Variants in KCNIP4 observed in about 807,000 individuals in gnomAD.
KCNIP4 encodes potassium voltage-gated channel interacting protein 4.
A neutral mutation model predicts 34.0 loss-of-function variants in KCNIP4; 12 were observed. That is an observed-to-expected ratio of 0.35 (90% confidence interval 0.23 to 0.57). The LOEUF (loss-of-function observed/expected upper bound fraction) is 0.57. KCNIP4 is among the 20% of genes least tolerant of loss of function. The probability of loss-of-function intolerance (pLI) is 0.83; values close to 1 mark genes in which losing one functional copy is unlikely to be tolerated. For missense variants in KCNIP4, 238 were observed against 311.7 expected (o/e 0.76, Z 1.78); for synonymous variants, 124 against 102.2 (o/e 1.21, Z -1.29).
Position 21,858,052 on chromosome 4 carries a change from G to A in KCNIP4, c.61+90519C>T, listed in dbSNP as rs575024276. On this transcript the variant is annotated intron_variant, in intron 1 of 8. Transcript: ENST00000382152. ...GGTGCCTGGAGCTGCCCACCCCACC[G>A]CAGCCAGCATGCTTGGCTGCGCACA... 1.1e-4 allele frequency among the ~76,000 whole-genome samples: 16 copies of A among 152,302 alleles called. No homozygotes were observed. The South Asian group carries it at 1.9e-3, about 18-fold the overall frequency.
At chr4:21,097,035 T>C (rs10433822) in intron 1 of KCNIP4, among the ~76,000 whole-genome samples, 24,263 of 152,058 alleles carry the variant, frequency 0.16, 2,047 homozygotes, top group East Asian at 0.23. Flanking sequence ...AATAGCACAT[T>C]TTAAAATTTA....
chr4:21,593,700 T>C (rs928330387), intron 1 of KCNIP4, among the ~76,000 whole-genome samples: 1 of 152,166 alleles, frequency 6.6e-6, no homozygotes, highest in African/African-American at 2.4e-5. Context: ...AGAGGACATT[T>C]TCTTGACACA....
chr4:21,740,415 A>AT, intron 1 of KCNIP4, among the ~76,000 whole-genome samples: 1 of 150,738 alleles, frequency 6.6e-6, no homozygotes, highest in South Asian at 2.1e-4. Context: ...TCCTCCCTCC[A>AT]TTTTTCTATC....
chr4:20,843,719 G>A (rs1375903765), intron 3 of KCNIP4, among the ~76,000 whole-genome samples: 1 of 152,190 alleles, frequency 6.6e-6, no homozygotes, highest in Non-Finnish European at 1.5e-5. Context: ...GACAGAGCGA[G>A]ACTCCGTCTC....
rs185495928 is a variant in KCNIP4 at position 21,409,390 on chromosome 4, C to T, written c.62-526681G>A. On this transcript the variant is annotated intron_variant, in intron 1 of 8. Coordinates refer to ENST00000382152, the MANE Select transcript of KCNIP4 (RefSeq NM_025221.6). ...AAGGCACTGGAATTACAAGCATGCACCCAGCCTCAAGTATTATTTTGAATA... is the reference window on the plus strand; with the variant it reads ...AAGGCACTGGAATTACAAGCATGCATCCAGCCTCAAGTATTATTTTGAATA... Among the ~76,000 whole-genome samples, 172 of 152,208 alleles carry T rather than the reference C, an allele frequency of 1.1e-3. 1 individual carries two copies. Among genetic ancestry groups the T allele is most frequent in the Non-Finnish European group, 2.2e-3 (148 of 68,026 alleles).
At chr4:21,142,046 G>A (rs1751997445) in intron 1 of KCNIP4, among the ~76,000 whole-genome samples, 2 of 151,366 alleles carry the variant, frequency 1.3e-5, no homozygotes, top group African/African-American at 4.9e-5. Flanking sequence ...AGCTACTCGG[G>A]AGGCTGAGGC....
At chr4:21,668,530 G>T (rs1226187675) in intron 1 of KCNIP4, among the ~76,000 whole-genome samples, 1 of 152,038 alleles carries the variant, frequency 6.6e-6, no homozygotes, top group Admixed American at 6.6e-5. Context: ...GAATTGACAT[G>T]TATCAAGATT....
chr4:21,562,275 A>G (rs1382011252), intron 1 of KCNIP4, among the ~76,000 whole-genome samples: 2 of 152,008 alleles, frequency 1.3e-5, no homozygotes, highest in Non-Finnish European at 2.9e-5. Flanking sequence ...AATACTTATT[A>G]AAACATATAA....
chr4:21,244,500 T>C (rs973510963), intron 1 of KCNIP4, among the ~76,000 whole-genome samples: 4 of 152,304 alleles, frequency 2.6e-5, no homozygotes, highest in Non-Finnish European at 1.5e-5. Context: ...AGACATAATT[T>C]TGGAAAAAGC....
At chr4:21,305,347 T>C (rs1439763087) in intron 1 of KCNIP4, among the ~76,000 whole-genome samples, 9 of 152,188 alleles carry the variant, frequency 5.9e-5, no homozygotes, top group Non-Finnish European at 4.4e-5. Flanking sequence ...AACATCTCAG[T>C]GTCTTAATGT....
intron 1 of KCNIP4, among the ~76,000 whole-genome samples, chr4:21,276,076 G>T (rs1300653514): frequency 1.3e-5 from 2 of 152,224 alleles, no homozygotes; most frequent in Non-Finnish European, 2.9e-5. Flanking sequence ...GGACAAACTT[G>T]ATATAGAACT....
intron 1 of KCNIP4, among the ~76,000 whole-genome samples, chr4:21,457,755 A>G (rs908279570): frequency 5.3e-5 from 8 of 152,062 alleles, no homozygotes; most frequent in Non-Finnish European, 1.0e-4. Context: ...TCAAAAAGCA[A>G]ATGCCAACCA....
In KCNIP4 at chr4:20,922,643, C is replaced by A. The variant is rs1331435596; in HGVS notation, c.62-39934G>T. Among the ~76,000 whole-genome samples, 10 of 152,084 alleles carry A rather than the reference C, an allele frequency of 6.6e-5. No homozygotes were observed. The East Asian group carries it at 1.9e-3, about 29-fold the overall frequency. The stretch of plus-strand genomic sequence containing the variant: ...ACTAATACAGTAAATAAATTTACTT[C>A]ATGTCTCTGAACTTCAGTTTCTTTA... On this transcript the variant is annotated intron_variant, in intron 1 of 8. Coordinates refer to ENST00000382152, the MANE Select transcript of KCNIP4 (RefSeq NM_025221.6).
chr4:21,169,660 TTGTG>T (rs58544791), intron 1 of KCNIP4, among the ~76,000 whole-genome samples: 2,041 of 136,202 alleles, frequency 0.015, 43 homozygotes, highest in African/African-American at 0.047. Context: ...TACTTTATAT[TTGTG>T]TGTGTGTGTG....
At chr4:20,831,950 G>A (rs954550635) in intron 3 of KCNIP4, among the ~76,000 whole-genome samples, 5 of 152,044 alleles carry the variant, frequency 3.3e-5, no homozygotes, top group African/African-American at 1.2e-4. Flanking sequence ...GCCAACATAC[G>A]GGAACTCAGG....
rs534303051 is a variant in KCNIP4 at position 20,951,276 on chromosome 4, T to A, written c.62-68567A>T. On this transcript the variant is annotated intron_variant, in intron 1 of 8. Transcript: ENST00000382152. ...TGGTCTGACTTGCAGGCTCCAGAAC[T>A]GTGAAAAATAAGTTGTTTAAGCCAC... Among the ~76,000 whole-genome samples, 4 of 152,268 alleles carry A rather than the reference T, an allele frequency of 2.6e-5. No homozygotes were observed. The South Asian group carries it at 6.2e-4, about 24-fold the overall frequency.
chr4:20,775,279 AAAGCAAGC>A (rs543816843), intron 3 of KCNIP4, among the ~76,000 whole-genome samples: 55 of 152,292 alleles, frequency 3.6e-4, no homozygotes, highest in African/African-American at 1.3e-3. Context: ...AAAGTAAATA[AAAGCAAGC>A]AAGCAAGCAC....
chr4:21,446,427 T>G (rs1318726684), intron 1 of KCNIP4, among the ~76,000 whole-genome samples: 1 of 151,930 alleles, frequency 6.6e-6, no homozygotes, highest in Admixed American at 6.6e-5. Flanking sequence ...ATATACACCA[T>G]GGAATACTAT....
chr4:21,077,144 A>G (rs1402415593), intron 1 of KCNIP4, among the ~76,000 whole-genome samples: 1 of 151,900 alleles, frequency 6.6e-6, no homozygotes, highest in African/African-American at 2.4e-5. Flanking sequence ...AATAAAATAA[A>G]TTAAATAAAT....
Sources: gnomAD v4.1 joint callset for allele counts (sites outside exome capture counted in the v4.1 genomes callset) on GRCh38, gnomAD v4.1.1 for gene constraint, MANE v1.5 for transcripts, NCBI Gene and HGNC (gene_info 2026-07-23, HGNC 2026-07-21) for gene names.